The following PTPRD variants were observed in gnomAD, a reference collection of about 807,000 sequenced individuals.
PTPRD encodes the protein protein tyrosine phosphatase receptor type D.
PTPRD carries 34 observed loss-of-function variants against 214.5 expected under a neutral mutation model. The ratio of observed to expected loss-of-function variants is 0.16; its 90% CI spans 0.12 to 0.21. PTPRD has a LOEUF of 0.21. Ranked by LOEUF, PTPRD falls within the 10% of genes least tolerant of loss-of-function variation. The pLI, the probability that PTPRD is intolerant of heterozygous loss-of-function variation, is 1.00. For synonymous variants in PTPRD, 1,128 were observed against 845.7 expected (o/e 1.33, Z -5.79); for missense variants, 2,545 against 2,398.7 (o/e 1.06, Z -1.27).
At chr9:10,486,747 T>C (rs1471962726) in intron 2 of PTPRD, among the ~76,000 whole-genome samples, 2 of 152,204 alleles carry the variant, frequency 1.3e-5, no homozygotes, top group Admixed American at 6.5e-5. Context: ...TGAGAATGAT[T>C]CATGTGCTGA....
chr9:10,316,007 T>A (rs575125745), intron 3 of PTPRD, among the ~76,000 whole-genome samples: 1 of 151,754 alleles, frequency 6.6e-6, no homozygotes, highest in East Asian at 1.9e-4. Context: ...AAATAAGAGA[T>A]AGTTTAAGAC....
chr9:10,237,348 G>T (rs1339268355), intron 3 of PTPRD, among the ~76,000 whole-genome samples: 1 of 151,796 alleles, frequency 6.6e-6, no homozygotes. Context: ...TTGTTATGCT[G>T]AATTAATATC....
chr9:9,181,156 A>G (rs141361408), intron 10 of PTPRD, among the ~76,000 whole-genome samples: 64 of 152,046 alleles, frequency 4.2e-4, no homozygotes, highest in African/African-American at 1.5e-3. Flanking sequence ...ATAACATAGA[A>G]AGCCATTCCT....
chr9:10,097,933 A>G (rs200662718), intron 3 of PTPRD, among the ~76,000 whole-genome samples: 1 of 151,828 alleles, frequency 6.6e-6, no homozygotes, highest in Non-Finnish European at 1.5e-5. Flanking sequence ...AAGTCGGTGT[A>G]GCGATTCCTC....
intron 5 of PTPRD, among the ~76,000 whole-genome samples, chr9:9,897,027 A>C (rs2075159704): frequency 6.6e-6 from 1 of 151,938 alleles, no homozygotes; most frequent in African/African-American, 2.4e-5. Flanking sequence ...CAGGAGAACA[A>C]TGTTTCCCTT....
intron 37 of PTPRD, among the ~76,000 whole-genome samples, chr9:8,380,045 C>T (rs1026907698): frequency 2.0e-5 from 3 of 152,006 alleles, no homozygotes; most frequent in African/African-American, 7.2e-5. Context: ...CAAACACTAG[C>T]TATCATTGGT....
At chr9:8,412,514 T>C (rs1269458636) in intron 35 of PTPRD, among the ~76,000 whole-genome samples, 1 of 152,194 alleles carries the variant, frequency 6.6e-6, no homozygotes, top group Non-Finnish European at 1.5e-5. Context: ...AATTCCTCAC[T>C]GCTCTTTGAA....
chr9:9,368,051 C>G (rs1169744685), intron 9 of PTPRD, among the ~76,000 whole-genome samples: 4 of 151,646 alleles, frequency 2.6e-5, no homozygotes, highest in African/African-American at 9.7e-5. Context: ...TTATTTAGGG[C>G]CATAAACTAC....
chr9:9,605,804 A>C (rs911656743), intron 7 of PTPRD, among the ~76,000 whole-genome samples: 1 of 152,028 alleles, frequency 6.6e-6, no homozygotes, highest in African/African-American at 2.4e-5. Flanking sequence ...CTGGTAATTA[A>C]ACTTTCTTGG....
At chr9:10,365,312 T>C (rs922396710) in intron 2 of PTPRD, among the ~76,000 whole-genome samples, 1 of 152,204 alleles carries the variant, frequency 6.6e-6, no homozygotes, top group Admixed American at 6.5e-5. Context: ...TACAAGGACA[T>C]TGCTAACGTA....
intron 3 of PTPRD, among the ~76,000 whole-genome samples, chr9:10,051,210 A>C (rs954563612): frequency 1.3e-5 from 2 of 152,188 alleles, no homozygotes; most frequent in African/African-American, 4.8e-5. Flanking sequence ...AAAGAAAAGA[A>C]TATCCATAAT....
intron 10 of PTPRD, among the ~76,000 whole-genome samples, chr9:9,136,744 G>A (rs2099851557): frequency 6.6e-6 from 1 of 152,068 alleles, no homozygotes; most frequent in Admixed American, 6.5e-5. Context: ...TTGAAAAAAG[G>A]ATCAAAACAT....
intron 5 of PTPRD, among the ~76,000 whole-genome samples, chr9:9,836,972 C>G (rs2056943977): frequency 6.6e-6 from 1 of 152,074 alleles, no homozygotes; most frequent in Non-Finnish European, 1.5e-5. Flanking sequence ...AAAGCCTCAC[C>G]TATGTGTGGT....
At chr9:9,683,832 T>C (rs1286513126) in intron 7 of PTPRD, among the ~76,000 whole-genome samples, 1 of 151,804 alleles carries the variant, frequency 6.6e-6, no homozygotes, top group African/African-American at 2.4e-5. Context: ...ATATTTATAA[T>C]CAGAGTGGCA....
chr9:9,185,328 C>A (rs2099930668), intron 9 of PTPRD, among the ~76,000 whole-genome samples: 1 of 152,028 alleles, frequency 6.6e-6, no homozygotes, highest in African/African-American at 2.4e-5. Flanking sequence ...TCCATGTATT[C>A]ATTACTGACA....
At position 8,833,707 on chromosome 9, in the gene PTPRD, T is replaced by G. The variant is rs1257029301; in HGVS notation, c.-103-99761A>C. 1.5e-5 allele frequency among the ~76,000 whole-genome samples: 2 copies of G among 134,670 alleles called. 1 individual carries two copies. Among genetic ancestry groups the G allele is most frequent in the Non-Finnish European group, 3.2e-5 (2 of 62,882 alleles). 88.3% of individuals were successfully genotyped at this position (134,670 alleles called of 152,430 possible). A position where few individuals can be genotyped will look rare whatever the true frequency, so the allele number is the denominator to read the frequency against. On this transcript the variant is annotated intron_variant, in intron 11 of 45. Transcript: ENST00000381196. ...TCTCTCCTCTCTCTCTCTCTATATA[T>G]ATATATATACACACACACACACACA...
chr9:9,982,053 C>T (rs1359533899), intron 4 of PTPRD, among the ~76,000 whole-genome samples: 1 of 152,156 alleles, frequency 6.6e-6, no homozygotes, highest in African/African-American at 2.4e-5. Flanking sequence ...ATTGCTTCCC[C>T]TAGGTTGGCT....
At chr9:9,074,201 G>C (rs924629976) in intron 10 of PTPRD, among the ~76,000 whole-genome samples, 1 of 152,058 alleles carries the variant, frequency 6.6e-6, no homozygotes, top group Non-Finnish European at 1.5e-5. Flanking sequence ...TCTGAATATA[G>C]CTTCCTTTTT....
chr9:8,921,263 A>G (rs889601960), intron 11 of PTPRD, among the ~76,000 whole-genome samples: 1 of 152,142 alleles, frequency 6.6e-6, no homozygotes, highest in Non-Finnish European at 1.5e-5. Context: ...ACTTGATTCT[A>G]TTTTAGGCAG....
Sources: gnomAD v4.1 joint callset for allele counts (sites outside exome capture counted in the v4.1 genomes callset) on GRCh38, gnomAD v4.1.1 for gene constraint, MANE v1.5 for transcripts, NCBI Gene and HGNC (gene_info 2026-07-23, HGNC 2026-07-21) for gene names.